CRAT: variants seen among roughly 807,000 people sequenced by gnomAD.
CRAT encodes the protein carnitine acetylase.
In CRAT, 66 loss-of-function variants were observed where a neutral mutation model predicts 73.7. That is an observed-to-expected ratio of 0.90 (90% confidence interval 0.73 to 1.10). CRAT has a LOEUF of 1.10. Ranked by LOEUF, CRAT falls within the 50% of genes least tolerant of loss-of-function variation. The probability of loss-of-function intolerance (pLI) is 0.00; values close to 1 mark genes in which losing one functional copy is unlikely to be tolerated. For synonymous variants in CRAT, 321 were observed against 343.2 expected (o/e 0.94, Z 0.71); for missense variants, 745 against 846.9 (o/e 0.88, Z 1.49).
intron 1 of CRAT, chr9:129,109,153 A>C (rs866602623): frequency 1.5e-6 from 2 of 1,303,950 alleles, no homozygotes; most frequent in Non-Finnish European, 2.0e-6. Context: ...CCAGGGAGTC[A>C]GGACAAAAGG....
At chr9:129,101,127 T>C (rs1174103920) in intron 6 of CRAT, among the ~76,000 whole-genome samples, 1 of 152,202 alleles carries the variant, frequency 6.6e-6, no homozygotes, top group Non-Finnish European at 1.5e-5. Flanking sequence ...ACTTGGACTC[T>C]AATCCTAACT....
chr9:129,098,665 G>C lies in CRAT; in HGVS notation c.1086-15C>G, dbSNP rs1292354824. 2.2e-5 allele frequency: 35 copies of C among 1,597,736 alleles called. No homozygotes were observed. Among genetic ancestry groups the C allele is most frequent in the Non-Finnish European group, 2.9e-5 (34 of 1,175,792 alleles). ...CGGGTTTCTTCCTGCACAGTAAACG[G>C]GGCCTCAGGCTCATGCTGGTGCCTC... is the stretch of plus-strand genomic sequence containing the variant. On this transcript the variant is annotated splice_polypyrimidine_tract_variant and intron_variant, in intron 8 of 13. Transcript: ENST00000318080.
At chr9:129,096,255 AGAG>A (rs1847276354) in intron 12 of CRAT, 120 bp from the exon 13 acceptor site, 2 of 1,293,974 alleles carry the variant, frequency 1.5e-6, no homozygotes, top group Admixed American at 3.8e-5. Flanking sequence ...CCACAAGACC[AGAG>A]TATTCTGGCC....
chr9:129,110,407 T>G lies in CRAT; in HGVS notation c.27+76A>C. ...GTCGAACAGCGGCCGCAGGACGCGG[T>G]CTCCGTTCCCGGACGCAACCGCACG... is the stretch of plus-strand genomic sequence containing the variant. On this transcript the variant is annotated intron_variant, in intron 1 of 13. Transcript: ENST00000318080. The surrounding 1 kb of genome is among the most constrained non-coding windows in gnomAD (Gnocchi z 5.3). 1 of 1,416,892 alleles carries G rather than the reference T, an allele frequency of 7.1e-7. No homozygotes were observed. The highest frequency in any genetic ancestry group is 1.4e-5 in the South Asian group (1 of 73,912). The allele number at this position is 1,416,892 out of a possible 1,614,324, so 87.8% of individuals were successfully genotyped here. A position where few individuals can be genotyped will look rare whatever the true frequency, so the allele number is the denominator to read the frequency against.
Position 129,098,010 on chromosome 9 carries a change from C to T in CRAT, c.1464+3G>A, listed in dbSNP as rs1847390649. On this transcript the variant is annotated splice_donor_region_variant and intron_variant, in intron 11 of 13. Transcript: ENST00000318080. Reference sequence around the variant, plus strand: ...TCACCCACCCTCGCCCCAGACCTCTCACCGTGACGCTGGAGTCATCCATGG... The same window carrying T: ...TCACCCACCCTCGCCCCAGACCTCTTACCGTGACGCTGGAGTCATCCATGG... The T allele has an allele frequency of 2.5e-6, 4 of 1,612,976 alleles. No homozygotes were observed. Among genetic ancestry groups the T allele is most frequent in the African/African-American group, 1.3e-5 (1 of 74,936 alleles).
At position 129,108,092 on chromosome 9, in the gene CRAT, A is replaced by G; in HGVS notation, c.28-15T>C. The G allele has an allele frequency of 1.3e-6, 2 of 1,506,486 alleles. No homozygotes were observed. Among genetic ancestry groups the G allele is most frequent in the Non-Finnish European group, 1.8e-6 (2 of 1,135,680 alleles). 93.3% of individuals were successfully genotyped at this position (1,506,486 alleles called of 1,614,324 possible). ...AGAGGCTTCACCTGCAGGTAGCAGA[A>G]CATCCTGTTCATTCCCTCCCCGGCT... On this transcript the variant is annotated splice_polypyrimidine_tract_variant and intron_variant, in intron 1 of 13. Transcript: ENST00000318080.
rs1483320259 is a variant in CRAT, at chr9:129,110,776, T to A, written c.-267A>T. On this transcript the variant is annotated 5_prime_UTR_variant, in exon 1 of 14. Transcript: ENST00000318080. This position sits in a 1 kb window ranked among gnomAD's most constrained non-coding sequence, Gnocchi z 5.3. Reference sequence around the variant, plus strand: ...GGGCGGGCAACGGTGCCCGGGAGGTTGGCTGTGGGGCGGGGACGGGGCATC... The same window carrying A: ...GGGCGGGCAACGGTGCCCGGGAGGTAGGCTGTGGGGCGGGGACGGGGCATC... The A allele has an allele frequency of 5.7e-6, 2 of 350,232 alleles. No individual in the cohort carries two copies. The highest frequency in any genetic ancestry group is 1.1e-4 in the Admixed American group (2 of 18,038). The allele number at this position is 350,232 out of a possible 1,614,324, so 21.7% of individuals were successfully genotyped here.
chr9:129,095,853 G>C, intron 13 of CRAT, 145 bp downstream of exon 13: 1 of 1,205,798 alleles, frequency 8.3e-7, no homozygotes, highest in Non-Finnish European at 1.2e-6. Flanking sequence ...CAGCCTGCCT[G>C]GGCTGCAGAG....
intron 11 of CRAT, 90 bp from the exon 12 acceptor site, chr9:129,097,402 T>C (rs1364283675): frequency 9.5e-6 from 10 of 1,047,804 alleles, no homozygotes; most frequent in South Asian, 1.5e-5. Flanking sequence ...CACTAGATTC[T>C]GAGCTCTTTA....
At chr9:129,099,549 C>CACT (rs1227191335) in intron 8 of CRAT, among the ~76,000 whole-genome samples, 3 of 151,692 alleles carry the variant, frequency 2.0e-5, no homozygotes, top group Non-Finnish European at 4.4e-5. Context: ...GCCTCAGCCT[C>CACT]CTGAGTAACT....
chr9:129,099,661 C>T (rs1312025765), intron 8 of CRAT, among the ~76,000 whole-genome samples: 4 of 151,842 alleles, frequency 2.6e-5, no homozygotes, highest in African/African-American at 9.7e-5. Flanking sequence ...ATCTCAAACT[C>T]CTGACCTCAA....
chr9:129,097,339 T>A, intron 11 of CRAT, 27 bp from the exon 12 acceptor site: 2 of 1,542,658 alleles, frequency 1.3e-6, no homozygotes, highest in African/African-American at 1.4e-5. Context: ...CAGAGGGAGC[T>A]GAAGCACTGT....
At chr9:129,100,936 C>T (rs1248119632) in intron 6 of CRAT, among the ~76,000 whole-genome samples, 1 of 152,166 alleles carries the variant, frequency 6.6e-6, no homozygotes, top group Non-Finnish European at 1.5e-5. Flanking sequence ...CAACACCTGG[C>T]CCACTTTAGA....
chr9:129,104,482 C>T, intron 2 of CRAT, among the ~76,000 whole-genome samples, 176 bp from the exon 3 acceptor site: 1 of 152,218 alleles, frequency 6.6e-6, no homozygotes, highest in East Asian at 1.9e-4. Flanking sequence ...ACCCACCAGC[C>T]TCTTCCCTTT....
At chr9:129,100,797 A>G (rs545912033) in intron 6 of CRAT, 108 bp from the exon 7 acceptor site, 9 of 1,369,670 alleles carry the variant, frequency 6.6e-6, no homozygotes. Flanking sequence ...ACCCATTTGT[A>G]CCTCTCTGGG....
chr9:129,108,945 G>C (rs1848191269), intron 1 of CRAT: 3 of 1,252,882 alleles, frequency 2.4e-6, no homozygotes, highest in South Asian at 2.7e-5. Context: ...CGGGAGGCAG[G>C]TGGCAGTGGC....
intron 8 of CRAT, among the ~76,000 whole-genome samples, chr9:129,098,876 T>C (rs3118636): frequency 0.96 from 142,422 of 148,838 alleles, 68,452 homozygotes; most frequent in Middle Eastern, 1. Context: ...TGCAGTGATG[T>C]GATCTCAGCT....
In CRAT at chr9:129,110,445, C is replaced by A; in HGVS notation, c.27+38G>T. On this transcript the variant is annotated intron_variant, in intron 1 of 13. Coordinates refer to ENST00000318080, the MANE Select transcript of CRAT (RefSeq NM_000755.5). The surrounding 1 kb of genome is among the most constrained non-coding windows in gnomAD (Gnocchi z 5.3). Reference sequence around the variant, plus strand: ...ACGCAACCGCACGGCCCGCCCAGGCCGTCCAGGGCCCTCAGGCCCGGGATC... The same window carrying A: ...ACGCAACCGCACGGCCCGCCCAGGCAGTCCAGGGCCCTCAGGCCCGGGATC... 1.9e-6 allele frequency: 3 copies of A among 1,539,664 alleles called. No homozygotes were observed. Among genetic ancestry groups the A allele is most frequent in the Non-Finnish European group, 2.6e-6 (3 of 1,150,742 alleles).
At chr9:129,109,620 T>C (rs994876484) in intron 1 of CRAT, among the ~76,000 whole-genome samples, 3 of 151,948 alleles carry the variant, frequency 2.0e-5, no homozygotes, top group Non-Finnish European at 4.4e-5. Context: ...CTAGAGGCTG[T>C]TTGTGGGATG....
Sources: allele counts gnomAD v4.1 joint callset (sites outside exome capture counted in the v4.1 genomes callset), GRCh38; gene constraint gnomAD v4.1.1; non-coding constraint Gnocchi (gnomAD v3.1); transcripts MANE v1.5; gene names NCBI Gene and HGNC (gene_info 2026-07-23, HGNC 2026-07-21).